EPHX2: variants seen among roughly 807,000 people sequenced by gnomAD.
The protein encoded by EPHX2 is bifunctional epoxide hydrolase 2.
Under a neutral mutation model 78.7 loss-of-function variants are expected in EPHX2, and 74 were observed. That is an observed-to-expected ratio of 0.94 (90% CI 0.78 to 1.14). The LOEUF is 1.14. Among genes scored for constraint, EPHX2 ranks in the 50% most tolerant of loss-of-function variants. EPHX2 has a pLI of 0.00. For missense variants in EPHX2, 715 were observed against 702.5 expected, an observed-to-expected ratio of 1.02 and a Z score of -0.20; for synonymous variants, 251 against 255.2, an observed-to-expected ratio of 0.98 and a Z score of 0.16.
chr8:27,507,657 C>T (rs886727203), intron 5 of EPHX2, among the ~76,000 whole-genome samples: 1 of 152,208 alleles, frequency 6.6e-6, no homozygotes, highest in Admixed American at 6.5e-5. Flanking sequence ...GGATGCACAG[C>T]CATTGCCTCA....
intron 12 of EPHX2, among the ~76,000 whole-genome samples, chr8:27,534,103 G>C (rs747276): frequency 0.31 from 47,739 of 152,090 alleles, 11,473 homozygotes; most frequent in African/African-American, 0.68. Context: ...TTCCATCCAT[G>C]ACCTAAATGT....
chr8:27,504,371 C>T (rs1813917531), intron 3 of EPHX2, among the ~76,000 whole-genome samples: 1 of 152,196 alleles, frequency 6.6e-6, no homozygotes, highest in African/African-American at 2.4e-5. Context: ...GTCTTCTTTC[C>T]AGCATTGCCT....
At chr8:27,520,583 G>T (rs1814610323) in intron 9 of EPHX2, among the ~76,000 whole-genome samples, 2 of 152,142 alleles carry the variant, frequency 1.3e-5, no homozygotes, top group Non-Finnish European at 2.9e-5. Flanking sequence ...TTGACCTCAT[G>T]TTCTGCCCGC....
intron 1 of EPHX2, chr8:27,492,779 A>G (rs1813427311): frequency 6.2e-6 from 1 of 161,270 alleles, no homozygotes; most frequent in South Asian, 1.9e-4. Flanking sequence ...TGTGCGTTTT[A>G]CAGAGCGCTG....
chr8:27,527,265 T>G (rs546132850), intron 12 of EPHX2, among the ~76,000 whole-genome samples: 1 of 152,294 alleles, frequency 6.6e-6, no homozygotes, highest in Middle Eastern at 3.4e-3. Context: ...GGTTTCACCA[T>G]GTTAACCAGG....
chr8:27,491,295 C>A lies in EPHX2; in HGVS notation c.87C>A (p.Ala29=). ...GCGTCCTCGGCCGCACGGAGGAGGC[C>A]CTGGCGCTGCCCAGGTAAGGGGGCC... ...VFGVLGRTEE[A]LALPRGLLND... is the part of the protein sequence containing the mutation. The change falls in exon 1 of 19, where the codon GCC becomes GCA. Residue 29 remains alanine, a synonymous_variant. Coordinates refer to ENST00000521400, the MANE Select transcript of EPHX2 (RefSeq NM_001979.6). 6.4e-7 allele frequency: 1 copy of A among 1,555,440 alleles called. No homozygotes were observed. Among genetic ancestry groups the A allele is most frequent in the Non-Finnish European group, 8.6e-7 (1 of 1,161,262 alleles).
chr8:27,501,401 T>TTCTTCTTCTTCTTTCTTC (rs1450988450), intron 2 of EPHX2, among the ~76,000 whole-genome samples: 1 of 123,120 alleles, frequency 8.1e-6, no homozygotes, highest in Non-Finnish European at 1.8e-5. Flanking sequence ...TTCTTTCTTC[T>TTCTTCTTCTTCTTTCTTC]TTCTTCTTTC....
chr8:27,528,536 A>C (rs1814925195), intron 12 of EPHX2, among the ~76,000 whole-genome samples: 1 of 152,188 alleles, frequency 6.6e-6, no homozygotes, highest in Non-Finnish European at 1.5e-5. Flanking sequence ...TGGTTTTCAA[A>C]CAGGTAATAG....
intron 1 of EPHX2, among the ~76,000 whole-genome samples, chr8:27,498,080 G>A (rs1813639343): frequency 6.6e-6 from 1 of 152,212 alleles, no homozygotes; most frequent in Non-Finnish European, 1.5e-5. Context: ...AAGTGAGGTC[G>A]AAGGTTTGCC....
intron 6 of EPHX2, among the ~76,000 whole-genome samples, chr8:27,514,802 A>G (rs1391984939): frequency 6.6e-6 from 1 of 151,914 alleles, no homozygotes; most frequent in Non-Finnish European, 1.5e-5. Context: ...GTGCGTCCAC[A>G]CCGACTGTAG....
chr8:27,511,789 G>T (rs1457934034), intron 5 of EPHX2, 47 bp from the exon 6 acceptor site: 1 of 1,591,890 alleles, frequency 6.3e-7, no homozygotes, highest in African/African-American at 1.3e-5. Flanking sequence ...GCCTCTCACG[G>T]AAGGAGGCTG....
downstream of EPHX2, among the ~76,000 whole-genome samples, chr8:27,547,639 C>T (rs1487505025): frequency 3.9e-5 from 6 of 152,118 alleles, no homozygotes; most frequent in African/African-American, 7.2e-5. Context: ...TGCTATACAA[C>T]GCTAGAACTT....
At chr8:27,506,725 C>A (rs141250811) in intron 4 of EPHX2, 147 bp from the exon 5 acceptor site, 3 of 1,160,442 alleles carry the variant, frequency 2.6e-6, no homozygotes, top group East Asian at 2.4e-5. Context: ...TGTTTTCATG[C>A]GTATGTTGTG....
chr8:27,496,232 T>C (rs530914512), intron 1 of EPHX2, among the ~76,000 whole-genome samples: 96 of 152,270 alleles, frequency 6.3e-4, no homozygotes, highest in African/African-American at 2.3e-3. Context: ...AGAGCTAGAG[T>C]AGCCTGCTGG....
In EPHX2 at chr8:27,491,204, C is replaced by T; in HGVS notation, c.-5C>T. On this transcript the variant is annotated 5_prime_UTR_variant, in exon 1 of 19. Coordinates refer to ENST00000521400, the MANE Select transcript of EPHX2 (RefSeq NM_001979.6). ...GTCCGGGTGCTAGGCTGCAGACCCG[C>T]CGCCATGACGCTGCGCGCGGCCGTC... is the stretch of plus-strand genomic sequence containing the variant. 1 of 1,577,514 alleles carries T rather than the reference C, an allele frequency of 6.3e-7. No individual in the cohort carries two copies. The highest frequency in any genetic ancestry group is 8.5e-7 in the Non-Finnish European group (1 of 1,170,516).
At position 27,496,636 on chromosome 8, in the gene EPHX2, G is replaced by A. The variant is rs565182403; in HGVS notation, c.102-4290G>A. Among the ~76,000 whole-genome samples, 209 of 152,282 alleles carry A rather than the reference G, an allele frequency of 1.4e-3. 1 individual carries two copies. Among genetic ancestry groups the A allele is most frequent in the African/African-American group, 4.8e-3 (200 of 41,570 alleles). Reference sequence around the variant, plus strand: ...CTGAACGTTCGGTTTTTGTACTCCTGGAATTGGGGTGTTGCAGGGACTGCT... The same window carrying A: ...CTGAACGTTCGGTTTTTGTACTCCTAGAATTGGGGTGTTGCAGGGACTGCT... On this transcript the variant is annotated intron_variant, in intron 1 of 18. Transcript: ENST00000521400.
At chr8:27,502,392 A>G (rs1010310471) in intron 2 of EPHX2, among the ~76,000 whole-genome samples, 1 of 152,232 alleles carries the variant, frequency 6.6e-6, no homozygotes, top group Non-Finnish European at 1.5e-5. Flanking sequence ...TGCTGCTATG[A>G]TGATGTGTAT....
intron 12 of EPHX2, among the ~76,000 whole-genome samples, chr8:27,535,337 G>A (rs1004462996): frequency 1.3e-5 from 2 of 151,958 alleles, no homozygotes; most frequent in Non-Finnish European, 2.9e-5. Flanking sequence ...CACCATGCCC[G>A]GCTAATTTTG....
chr8:27,547,487 A>T (rs993593359), downstream of EPHX2, among the ~76,000 whole-genome samples: 1 of 152,254 alleles, frequency 6.6e-6, no homozygotes, highest in East Asian at 1.9e-4. Context: ...TGATGTTTTG[A>T]TACATATAAT....
Sources: allele counts gnomAD v4.1 joint callset (sites outside exome capture counted in the v4.1 genomes callset), GRCh38; gene constraint gnomAD v4.1.1; transcripts MANE v1.5; gene names NCBI Gene and HGNC (gene_info 2026-07-23, HGNC 2026-07-21).